The following PPP2R2D variants were observed in gnomAD, a reference collection of about 807,000 sequenced individuals.
PPP2R2D encodes the protein serine/threonine-protein phosphatase 2A 55 kDa regulatory subunit B delta isoform.
PPP2R2D carries 9 observed loss-of-function variants against 31.1 expected under a neutral mutation model. That is an observed-to-expected ratio of 0.29 (90% confidence interval 0.17 to 0.51). The LOEUF (loss-of-function observed/expected upper bound fraction) is 0.51, where lower values mean the gene tolerates loss of function less well. PPP2R2D is among the 20% of genes least tolerant of loss of function. PPP2R2D has a pLI of 0.98. For synonymous variants in PPP2R2D, 179 were observed against 172.6 expected (o/e 1.04, Z -0.29); for missense variants, 391 against 465.6 (o/e 0.84, Z 1.48).
rs782046497 is a variant in PPP2R2D at position 131,947,664 on chromosome 10, C to T, written c.955C>T (p.Leu319Phe). 6.2e-7 allele frequency: 1 copy of T among 1,614,222 alleles called. No homozygotes were observed. The highest frequency in any genetic ancestry group is 8.5e-7 in the Non-Finnish European group (1 of 1,180,034). ...CTACCTGTCGGTGAAGGTGTGGGAC[C>T]TCAACATGGAGAGCAGGCCGGTGGA... ...RDYLSVKVWD[L>F]NMESRPVETH... Residue 319 changes from leucine (L) to phenylalanine (F), a missense_variant, in exon 8 of 9, where the codon CTC (leucine) becomes TTC (phenylalanine). Around this residue, in one of 3 missense-constraint regions of PPP2R2D, gnomAD observed 123 missense variants for 187.7 expected, o/e 0.66. Coordinates refer to ENST00000455566, the MANE Select transcript of PPP2R2D (RefSeq NM_018461.5). The surrounding 1 kb of genome is among the most constrained non-coding windows in gnomAD (Gnocchi z 4.3).
Position 131,952,136 on chromosome 10 carries a change from C to T in PPP2R2D, c.1083-3548C>T, listed in dbSNP as rs868961319. 8.5e-3 allele frequency among the ~76,000 whole-genome samples: 376 copies of T among 44,414 alleles called. 2 individuals are homozygous for T. The highest frequency in any genetic ancestry group is 0.028 in the African/African-American group (276 of 9,850). 29.1% of individuals were successfully genotyped at this position (44,414 alleles called of 152,430 possible). ...GTCTTAGCAGTGACTTGCGGGTGTG[C>T]GGGGGGGTTCACTGTCTTAGCAGTG... is the stretch of plus-strand genomic sequence containing the variant. On this transcript the variant is annotated intron_variant, in intron 8 of 8. Transcript: ENST00000455566.
the PPP2R2D span, chr10:131,970,322 G>T: frequency 5.4e-4 from 212 of 394,626 alleles, no homozygotes; most frequent in African/African-American, 3.7e-3. This position sits in a 1 kb window ranked among gnomAD's most constrained non-coding sequence, Gnocchi z 4.1. Context: ...ACACAGAAAT[G>T]AGACTGCTTT....
At chr10:131,935,893 G>T (rs1554896419) in intron 3 of PPP2R2D, among the ~76,000 whole-genome samples, 1 of 152,012 alleles carries the variant, frequency 6.6e-6, no homozygotes, top group Non-Finnish European at 1.5e-5. Flanking sequence ...GAGAAACCCT[G>T]TCTCTACGAA....
chr10:131,931,159 C>T (rs1554895633), intron 2 of PPP2R2D, among the ~76,000 whole-genome samples: 1 of 152,144 alleles, frequency 6.6e-6, no homozygotes, highest in Non-Finnish European at 1.5e-5. Flanking sequence ...GATAGCCCTG[C>T]TTCCTGGGGC....
chr10:131,953,153 A>G (rs2036714579), intron 8 of PPP2R2D, among the ~76,000 whole-genome samples: 1 of 98,376 alleles, frequency 1.0e-5, no homozygotes, highest in Non-Finnish European at 1.9e-5. Flanking sequence ...GCGGGGGTTC[A>G]CTGTCTTAGT....
In PPP2R2D at chr10:131,945,128, C is replaced by T. The variant is rs565667942; in HGVS notation, c.656-167C>T. Among the ~76,000 whole-genome samples, 4 of 152,322 alleles carry T rather than the reference C, an allele frequency of 2.6e-5. No homozygotes were observed. The highest frequency in any genetic ancestry group is 3.4e-3 in the Middle Eastern group (1 of 294). ...GTCTGAGTGTGCTCATCCCAATCCCCTTACCAGGCGCTCCTTTGGAATTCG... is the reference window on the plus strand; with the variant it reads ...GTCTGAGTGTGCTCATCCCAATCCCTTTACCAGGCGCTCCTTTGGAATTCG... On this transcript the variant is annotated intron_variant, in intron 6 of 8. Transcript: ENST00000455566. This position sits in a 1 kb window ranked among gnomAD's most constrained non-coding sequence, Gnocchi z 4.8.
intron 2 of PPP2R2D, among the ~76,000 whole-genome samples, chr10:131,930,772 G>A (rs1267395218): frequency 3.3e-5 from 5 of 152,196 alleles, no homozygotes; most frequent in Non-Finnish European, 7.3e-5. Flanking sequence ...TCTGAGCCTG[G>A]GAACGGGGCC....
chr10:131,939,902 G>T, intron 3 of PPP2R2D, 129 bp from the exon 4 acceptor site: 2 of 391,590 alleles, frequency 5.1e-6, no homozygotes, highest in Non-Finnish European at 9.3e-6. Context: ...TTTCATCTGA[G>T]ATTTTTTTGA....
chr10:131,950,317 T>C (rs574260174), intron 8 of PPP2R2D, among the ~76,000 whole-genome samples: 29 of 152,220 alleles, frequency 1.9e-4, no homozygotes, highest in African/African-American at 6.7e-4. Flanking sequence ...AAAGCCTGAA[T>C]ACACAGGATC....
rs750875956 is a variant in PPP2R2D, at chr10:131,959,604, G to A, written c.*3641G>A. 2 of 152,706 alleles carry A rather than the reference G, an allele frequency of 1.3e-5. No homozygotes were observed. The highest frequency in any genetic ancestry group is 6.5e-5 in the Admixed American group (1 of 15,316). The allele number at this position is 152,706 out of a possible 1,614,324, so 9.5% of individuals were successfully genotyped here. A position where few individuals can be genotyped will look rare whatever the true frequency, so the allele number is the denominator to read the frequency against. On this transcript the variant is annotated 3_prime_UTR_variant, in exon 9 of 9. Transcript: ENST00000455566. ...TCAATGCTAACACAGTGCCACTTGA[G>A]TTCACATTAAGTTAGAAATTGAGAA...
intron 2 of PPP2R2D, among the ~76,000 whole-genome samples, chr10:131,915,963 C>T (rs1554892996): frequency 6.6e-6 from 1 of 152,152 alleles, no homozygotes; most frequent in African/African-American, 2.4e-5. Flanking sequence ...GCTTACTGTT[C>T]ATTAAAGAAT....
At chr10:131,912,943 T>G (rs955606907) in intron 2 of PPP2R2D, among the ~76,000 whole-genome samples, 43,631 of 152,122 alleles carry the variant, frequency 0.29, 6,393 homozygotes, top group East Asian at 0.45. Flanking sequence ...TTTCTATTCT[T>G]TGAATTGCTT....
rs2036770347 is a variant in PPP2R2D at position 131,955,128 on chromosome 10, T to C, written c.1083-556T>C. 2.0e-5 allele frequency among the ~76,000 whole-genome samples: 3 copies of C among 152,222 alleles called. No homozygotes were observed. The South Asian group carries it at 6.2e-4, about 31-fold the overall frequency. On this transcript the variant is annotated intron_variant, in intron 8 of 8. Coordinates refer to ENST00000455566, the MANE Select transcript of PPP2R2D (RefSeq NM_018461.5). ...TGAAGAAACAAAAGCATGGACGGTA[T>C]TGTATTGTCTGGAATGTGTGTGAAA...
chr10:131,970,669 G>A, the PPP2R2D span: 1 of 1,614,152 alleles, frequency 6.2e-7, no homozygotes, highest in Non-Finnish European at 8.5e-7. The surrounding 1 kb of genome is among the most constrained non-coding windows in gnomAD (Gnocchi z 4.1). Flanking sequence ...TGAGAGAGCA[G>A]CAGAGATGGA....
intron 2 of PPP2R2D, among the ~76,000 whole-genome samples, chr10:131,918,500 G>GAC (rs201653238): frequency 1.1e-4 from 15 of 138,926 alleles, no homozygotes; most frequent in Middle Eastern, 5.0e-3. Flanking sequence ...CGGGTGGAAT[G>GAC]ACAGTGTTTG....
rs1554898089 is a variant in PPP2R2D, at chr10:131,947,204, G to T, written c.821-326G>T. Among the ~76,000 whole-genome samples, 7 of 152,210 alleles carry T rather than the reference G, an allele frequency of 4.6e-5. No individual in the cohort carries two copies. The highest frequency in any genetic ancestry group is 1.5e-5 in the Non-Finnish European group (1 of 68,032). Reference sequence around the variant, plus strand: ...GGTGCTGAACCTGGGCACACATCAGGATGCCCCGAGGAGCTCCCACAGATG... The same window carrying T: ...GGTGCTGAACCTGGGCACACATCAGTATGCCCCGAGGAGCTCCCACAGATG... On this transcript the variant is annotated intron_variant, in intron 7 of 8. Transcript: ENST00000455566. This position sits in a 1 kb window ranked among gnomAD's most constrained non-coding sequence, Gnocchi z 4.3.
chr10:131,953,125 G>T (rs2036712634), intron 8 of PPP2R2D, among the ~76,000 whole-genome samples: 2 of 58,428 alleles, frequency 3.4e-5, no homozygotes, highest in Non-Finnish European at 6.2e-5. Flanking sequence ...CCCTGTCTTA[G>T]CAGTGACTTG....
At chr10:131,928,477 A>G (rs1381835521) in intron 2 of PPP2R2D, among the ~76,000 whole-genome samples, 2 of 152,236 alleles carry the variant, frequency 1.3e-5, no homozygotes, top group African/African-American at 4.8e-5. Context: ...CGTTTTAAGT[A>G]CTGTATCTTT....
At chr10:131,935,556 CCA>C (rs2036323634) in intron 3 of PPP2R2D, among the ~76,000 whole-genome samples, 3 of 152,280 alleles carry the variant, frequency 2.0e-5, no homozygotes, top group Middle Eastern at 6.8e-3. Context: ...CAGGTGCTAA[CCA>C]ATTTCATTAT....
Sources: allele counts gnomAD v4.1 joint callset (sites outside exome capture counted in the v4.1 genomes callset), GRCh38; gene constraint gnomAD v4.1.1; regional missense constraint gnomAD v4.1.1; non-coding constraint Gnocchi (gnomAD v3.1); transcripts MANE v1.5; gene names NCBI Gene and HGNC (gene_info 2026-07-23, HGNC 2026-07-21).